Variants in C3AR1 observed in about 807,000 individuals in gnomAD.
C3AR1 encodes the protein complement C3a receptor 1.
For synonymous variants in C3AR1, 208 were observed against 225.3 expected (o/e 0.92, Z 0.69); for missense variants, 579 against 583.5 (o/e 0.99, Z 0.08).
intron 1 of C3AR1, among the ~76,000 whole-genome samples, chr12:8,064,191 C>G (rs1384719299): frequency 6.6e-6 from 1 of 152,082 alleles, no homozygotes; most frequent in Non-Finnish European, 1.5e-5. Context: ...AATCCTTACC[C>G]AGGCCTCTTC....
intron 1 of C3AR1, among the ~76,000 whole-genome samples, chr12:8,064,900 G>A (rs931258487): frequency 6.6e-6 from 1 of 151,866 alleles, no homozygotes; most frequent in Non-Finnish European, 1.5e-5. Flanking sequence ...TGTTTGTAGA[G>A]ATAGGGTCTT....
chr12:8,064,861 T>C (rs934322789), intron 1 of C3AR1, among the ~76,000 whole-genome samples: 3 of 151,516 alleles, frequency 2.0e-5, no homozygotes, highest in African/African-American at 7.3e-5. Context: ...CCTCATTTTG[T>C]TGTTGTTGTT....
chr12:8,059,961 C>A lies in C3AR1; in HGVS notation c.225G>T (p.Leu75Phe), dbSNP rs1296208737. The A allele has an allele frequency of 6.2e-7, 1 of 1,614,080 alleles. No homozygotes were observed. Among genetic ancestry groups the A allele is most frequent in the Non-Finnish European group, 8.5e-7 (1 of 1,180,018 alleles). ...TLADLLCCLS[L>F]PFSLAHLALQ... The stretch of plus-strand genomic sequence containing the variant: ...GAGCCAAGTGAGCCAGCGAGAAGGG[C>A]AAGGAGAGGCAGCAGAGGAGGTCCG... Residue 75 changes from leucine (L) to phenylalanine (F), a missense_variant, in exon 2 of 2, where the codon TTG (leucine) becomes TTT (phenylalanine). Physicochemically the swap from Leu to Phe is conservative, Grantham distance 22. Coordinates refer to ENST00000307637, the MANE Select transcript of C3AR1 (RefSeq NM_004054.4).
rs764901761 is a variant in C3AR1 at position 8,058,756 on chromosome 12, C to A, written c.1430G>T (p.Arg477Ile). The stretch of plus-strand genomic sequence containing the variant: ...ACATTTTCACACAGTTGTACTATTT[C>A]TTTCTGAAATGACATTGTTTGAGGG... ...HCPSNNVISERNSTTV is the reference protein window; with the variant it reads ...HCPSNNVISEINSTTV The change falls in exon 2 of 2, where the codon AGA (arginine) becomes ATA (isoleucine). Residue 477 changes from arginine (R) to isoleucine (I), a missense_variant. Arg to Ile is a moderately conservative substitution (Grantham distance 97, BLOSUM62 -3). Coordinates refer to ENST00000307637, the MANE Select transcript of C3AR1 (RefSeq NM_004054.4). The A allele has an allele frequency of 6.2e-7, 1 of 1,611,766 alleles. No homozygotes were observed. The highest frequency in any genetic ancestry group is 8.5e-7 in the Non-Finnish European group (1 of 1,178,648).
At chr12:8,065,258 A>C (rs1162264672) in intron 1 of C3AR1, among the ~76,000 whole-genome samples, 2 of 152,114 alleles carry the variant, frequency 1.3e-5, no homozygotes, top group Non-Finnish European at 2.9e-5. Flanking sequence ...CAAACAGCAA[A>C]ATTTTAATAA....
At chr12:8,062,319 A>T (rs1240158242) in intron 1 of C3AR1, among the ~76,000 whole-genome samples, 1 of 152,104 alleles carries the variant, frequency 6.6e-6, no homozygotes, top group African/African-American at 2.4e-5. Flanking sequence ...CATAAGGAAT[A>T]CCCGACCTTT....
intron 1 of C3AR1, among the ~76,000 whole-genome samples, chr12:8,062,665 A>G (rs1661461887): frequency 6.6e-6 from 1 of 151,970 alleles, no homozygotes; most frequent in Non-Finnish European, 1.5e-5. Flanking sequence ...TTTTCTTGAG[A>G]TGGAGTTTCG....
chr12:8,059,223 G>A lies in C3AR1; in HGVS notation c.963C>T (p.Gly321=). 1 of 1,614,172 alleles carries A rather than the reference G, an allele frequency of 6.2e-7. No homozygotes were observed. Residue 321 remains glycine, a synonymous_variant, in exon 2 of 2, where the codon GGC becomes GGT. Transcript: ENST00000307637. ...GCACTTGATCGTCATCTGTGAATTG[G>A]CCTAAATTGTAATAATCCTGGAAAC... is the stretch of plus-strand genomic sequence containing the variant. ...PQGFQDYYNL[G]QFTDDDQVPT...
At chr12:8,064,560 AT>A (rs1430910398) in intron 1 of C3AR1, among the ~76,000 whole-genome samples, 1 of 151,976 alleles carries the variant, frequency 6.6e-6, no homozygotes, top group African/African-American at 2.4e-5. Flanking sequence ...ATGGTGGCAC[AT>A]GCCTGTAATC....
chr12:8,064,486 T>A (rs932328197), intron 1 of C3AR1, among the ~76,000 whole-genome samples: 5 of 152,158 alleles, frequency 3.3e-5, no homozygotes, highest in Admixed American at 2.0e-4. Flanking sequence ...TGAGGTCAGT[T>A]TGAGACCAGC....
intron 1 of C3AR1, among the ~76,000 whole-genome samples, chr12:8,062,828 A>G (rs1013756813): frequency 1.3e-5 from 2 of 150,438 alleles, no homozygotes; most frequent in Admixed American, 6.6e-5. Flanking sequence ...TTGTATTTTT[A>G]GTAGAGAACG....
In C3AR1 at chr12:8,058,482, T is replaced by C. The variant is rs1193536169; in HGVS notation, c.*255A>G. On this transcript the variant is annotated 3_prime_UTR_variant, in exon 2 of 2. Transcript: ENST00000307637. ...ATTTAGCATTAATCAGAAACGAGGG[T>C]TTGTTAAGTGCCCTTGCTGGGTCCC... 1.7e-5 allele frequency: 7 copies of C among 417,090 alleles called. No homozygotes were observed. The highest frequency in any genetic ancestry group is 3.0e-5 in the Non-Finnish European group (7 of 233,608). The allele number at this position is 417,090 out of a possible 1,614,324, so 25.8% of individuals were successfully genotyped here.
intron 1 of C3AR1, among the ~76,000 whole-genome samples, chr12:8,061,963 G>A (rs1947278575): frequency 6.6e-6 from 1 of 152,108 alleles, no homozygotes; most frequent in African/African-American, 2.4e-5. Flanking sequence ...AATCACCATT[G>A]TACTTTCAAT....
rs1156963737 is a variant in C3AR1, at chr12:8,057,177, A to C, written c.*1560T>G. On this transcript the variant is annotated 3_prime_UTR_variant, in exon 2 of 2. Coordinates refer to ENST00000307637, the MANE Select transcript of C3AR1 (RefSeq NM_004054.4). Reference sequence around the variant, plus strand: ...ACAAGCCAGAAATTTCAGACGTTTGACACAAACATTTATATATACAGAAAA... The same window carrying C: ...ACAAGCCAGAAATTTCAGACGTTTGCCACAAACATTTATATATACAGAAAA... 1.3e-5 allele frequency among the ~76,000 whole-genome samples: 2 copies of C among 152,222 alleles called. No homozygotes were observed. Among genetic ancestry groups the C allele is most frequent in the Non-Finnish European group, 2.9e-5 (2 of 68,038 alleles).
rs368279436 is a variant in C3AR1 at position 8,059,267 on chromosome 12, C to T, written c.919G>A (p.Glu307Lys). The part of the protein sequence containing the change: ...FPSASSNSFY[E>K]SELPQGFQDY... Reference sequence around the variant, plus strand: ...TGGAAACCTTGTGGTAGCTCAGACTCGTAGAAGGAATTGCTAGAAGCGCTA... The same window carrying T: ...TGGAAACCTTGTGGTAGCTCAGACTTGTAGAAGGAATTGCTAGAAGCGCTA... The change falls in exon 2 of 2, where the codon GAG becomes AAG. Residue 307 changes from glutamate to lysine, a missense_variant. Glu to Lys is a moderately conservative substitution (Grantham distance 56). Coordinates refer to ENST00000307637, the MANE Select transcript of C3AR1 (RefSeq NM_004054.4). The T allele has an allele frequency of 1.2e-5, 20 of 1,613,948 alleles. No individual in the cohort carries two copies. In the Middle Eastern group the frequency reaches 6.6e-4, roughly 53 times the overall value.
chr12:8,062,682 T>C (rs1157577715), intron 1 of C3AR1, among the ~76,000 whole-genome samples: 2 of 152,216 alleles, frequency 1.3e-5, no homozygotes, highest in South Asian at 2.1e-4. Flanking sequence ...TTCGCTCTTG[T>C]TGCCCACGCT....
chr12:8,057,035 A>C lies in C3AR1; in HGVS notation c.*1702T>G, dbSNP rs1947197146. ...ATACTTTATAAAAAATCTGTAGTCC[A>C]GACCCTCACCTCAGCCATTGAACAG... On this transcript the variant is annotated 3_prime_UTR_variant, in exon 2 of 2. Coordinates refer to ENST00000307637, the MANE Select transcript of C3AR1 (RefSeq NM_004054.4). Among the ~76,000 whole-genome samples the C allele has an allele frequency of 6.6e-6, 1 of 152,230 alleles. No individual in the cohort carries two copies. The highest frequency in any genetic ancestry group is 6.5e-5 in the Admixed American group (1 of 15,284).
rs867310879 is a variant in C3AR1, at chr12:8,057,191, A to G, written c.*1546T>C. On this transcript the variant is annotated 3_prime_UTR_variant, in exon 2 of 2. Coordinates refer to ENST00000307637, the MANE Select transcript of C3AR1 (RefSeq NM_004054.4). Reference sequence around the variant, plus strand: ...TCAGACGTTTGACACAAACATTTATATATACAGAAAAATGAGAAGGTGGTA... The same window carrying G: ...TCAGACGTTTGACACAAACATTTATGTATACAGAAAAATGAGAAGGTGGTA... 3.4e-4 allele frequency among the ~76,000 whole-genome samples: 52 copies of G among 152,236 alleles called. No homozygotes were observed. Among genetic ancestry groups the G allele is most frequent in the African/African-American group, 1.0e-3 (42 of 41,466 alleles).
In C3AR1 at chr12:8,058,693, A is replaced by G. The variant is rs771985116; in HGVS notation, c.*44T>C. ...CTTCATCCTCTTATAAACTTTCACT[A>G]TGTGATTGCCTAAGAGCCCCTGCTT... On this transcript the variant is annotated 3_prime_UTR_variant, in exon 2 of 2. Coordinates refer to ENST00000307637, the MANE Select transcript of C3AR1 (RefSeq NM_004054.4). The G allele has an allele frequency of 9.7e-6, 15 of 1,548,266 alleles. No homozygotes were observed. Among genetic ancestry groups the G allele is most frequent in the Middle Eastern group, 2.3e-4 (1 of 4,352 alleles).
Sources: gnomAD v4.1 joint callset for allele counts (sites outside exome capture counted in the v4.1 genomes callset) on GRCh38, gnomAD v4.1.1 for gene constraint, MANE v1.5 for transcripts, NCBI Gene and HGNC (gene_info 2026-07-23, HGNC 2026-07-21) for gene names.